SLC25A36: variants seen among roughly 807,000 people sequenced by gnomAD.
SLC25A36 encodes solute carrier family 25 member 36, also known as epididymis secretory sperm binding protein.
A neutral mutation model predicts 35.3 loss-of-function variants in SLC25A36; 24 were observed. The observed-to-expected ratio is 0.68, with a 90% CI of 0.49 to 0.96. The LOEUF (loss-of-function observed/expected upper bound fraction) is 0.96, where lower values mean the gene tolerates loss of function less well. SLC25A36 is among the 40% of genes least tolerant of loss of function. The pLI is 0.00. For synonymous variants in SLC25A36, 141 were observed against 132.2 expected, an observed-to-expected ratio of 1.07 and a Z score of -0.46; for missense variants, 294 against 381.1, an observed-to-expected ratio of 0.77 and a Z score of 1.90.
chr3:140,976,536 C>A lies in SLC25A36; in HGVS notation c.*83C>A. The A allele has an allele frequency of 1.7e-6, 2 of 1,203,300 alleles. No homozygotes were observed. Among genetic ancestry groups the A allele is most frequent in the Non-Finnish European group, 2.3e-6 (2 of 885,668 alleles). The allele number at this position is 1,203,300 out of a possible 1,614,324, so 74.5% of individuals were successfully genotyped here. On this transcript the variant is annotated 3_prime_UTR_variant, in exon 7 of 7. Transcript: ENST00000324194. ...GGGATACAGAAGCCAGCATGGCAGA[C>A]AGAAGAAAAATAGTTTGGGAACATG...
At chr3:140,968,355 T>G (rs947206263) in intron 4 of SLC25A36, 1 of 820,546 alleles carries the variant, frequency 1.2e-6, no homozygotes, top group South Asian at 5.6e-5. Context: ...AGTGTCTTTA[T>G]AAAGAGCTAG....
chr3:140,959,201 C>T (rs1408474009), intron 2 of SLC25A36, among the ~76,000 whole-genome samples: 1 of 151,610 alleles, frequency 6.6e-6, no homozygotes, highest in Non-Finnish European at 1.5e-5. Context: ...TTTTTATTAG[C>T]AACGAGGTTT....
chr3:140,966,524 T>C (rs1262585590), intron 4 of SLC25A36: 1 of 176,058 alleles, frequency 5.7e-6, no homozygotes, highest in Non-Finnish European at 1.2e-5. Flanking sequence ...GTTGGTTTTT[T>C]TTTTTTTAAG....
At chr3:140,971,997 TGAAAA>T (rs961349572) in intron 5 of SLC25A36, among the ~76,000 whole-genome samples, 5 of 152,210 alleles carry the variant, frequency 3.3e-5, no homozygotes, top group Admixed American at 2.6e-4. Context: ...TTTGGAAACT[TGAAAA>T]GAAATATCTA....
At chr3:140,947,136 A>G (rs951722317) in intron 1 of SLC25A36, among the ~76,000 whole-genome samples, 1 of 152,224 alleles carries the variant, frequency 6.6e-6, no homozygotes, top group Non-Finnish European at 1.5e-5. Context: ...TCAACTATCA[A>G]ATGTTACTGT....
chr3:140,971,674 A>G (rs952526609), intron 5 of SLC25A36, among the ~76,000 whole-genome samples: 2 of 152,122 alleles, frequency 1.3e-5, no homozygotes, highest in South Asian at 4.1e-4. Flanking sequence ...AACTGAGAGT[A>G]GGCCAAAAGC....
chr3:140,969,333 T>C (rs897197527), intron 4 of SLC25A36, among the ~76,000 whole-genome samples: 2 of 151,878 alleles, frequency 1.3e-5, no homozygotes, highest in African/African-American at 4.8e-5. Context: ...AAAAAGATGT[T>C]CCTGGCAGCC....
Position 140,952,056 on chromosome 3 carries a change from G to T in SLC25A36, c.42-4471G>T, listed in dbSNP as rs1438242491. On this transcript the variant is annotated intron_variant, in intron 1 of 6. Transcript: ENST00000324194. ...TTTGCGATGGAGTTTCACTCTTGTT[G>T]CCCAGGCTGGAGTGCAGTGGCACAA... is the stretch of plus-strand genomic sequence containing the variant. Among the ~76,000 whole-genome samples the T allele has an allele frequency of 2.1e-5, 3 of 139,918 alleles. No homozygotes were observed. The East Asian group carries it at 6.3e-4, about 29-fold the overall frequency. The allele number at this position is 139,918 out of a possible 152,430, so 91.8% of individuals were successfully genotyped here. A position where few individuals can be genotyped will look rare whatever the true frequency, so the allele number is the denominator to read the frequency against.
chr3:140,949,892 A>T (rs1043780646), intron 1 of SLC25A36, among the ~76,000 whole-genome samples: 1 of 152,238 alleles, frequency 6.6e-6, no homozygotes, highest in Non-Finnish European at 1.5e-5. Context: ...AAATTACATT[A>T]GCCACACCTT....
At chr3:140,963,890 C>T (rs1444097100) in intron 4 of SLC25A36, 3 of 151,898 alleles carry the variant, frequency 2.0e-5, no homozygotes, top group South Asian at 2.1e-4. Flanking sequence ...AGTTTTAGGT[C>T]TTTACCCTGC....
chr3:140,980,479 T>A lies in SLC25A36; in HGVS notation c.*4026T>A, dbSNP rs1935155673. On this transcript the variant is annotated 3_prime_UTR_variant, in exon 7 of 7. Coordinates refer to ENST00000324194, the MANE Select transcript of SLC25A36 (RefSeq NM_001104647.3). Reference sequence around the variant, plus strand: ...AACATTGACATAAATCTGAAATTGTTGGTTCTACTAATAGTACTCTGCACT... The same window carrying A: ...AACATTGACATAAATCTGAAATTGTAGGTTCTACTAATAGTACTCTGCACT... Among the ~76,000 whole-genome samples, 1 of 152,186 alleles carries A rather than the reference T, an allele frequency of 6.6e-6. No homozygotes were observed. Among genetic ancestry groups the A allele is most frequent in the Non-Finnish European group, 1.5e-5 (1 of 68,036 alleles).
chr3:140,950,732 C>G (rs1934295948), intron 1 of SLC25A36, among the ~76,000 whole-genome samples: 1 of 151,964 alleles, frequency 6.6e-6, no homozygotes, highest in African/African-American at 2.4e-5. Flanking sequence ...TTTTTTCTTT[C>G]TGGAAGTTGA....
In SLC25A36 at chr3:140,978,435, AC is replaced by A. The variant is rs1250892271; in HGVS notation, c.*1983del. ...CCATTTGCCTTGTGAAGACCCATAA[AC>A]ATTCATTGTGTTGAATGTAAGATAG... is the stretch of plus-strand genomic sequence containing the variant. On this transcript the variant is annotated 3_prime_UTR_variant, in exon 7 of 7. Coordinates refer to ENST00000324194, the MANE Select transcript of SLC25A36 (RefSeq NM_001104647.3). 6.6e-6 allele frequency: 1 copy of A among 152,128 alleles called. No individual in the cohort carries two copies. The highest frequency in any genetic ancestry group is 1.5e-5 in the Non-Finnish European group (1 of 68,038). 9.4% of individuals were successfully genotyped at this position (152,128 alleles called of 1,614,324 possible).
At chr3:140,969,957 T>C (rs1409109833) in intron 4 of SLC25A36, among the ~76,000 whole-genome samples, 1 of 151,992 alleles carries the variant, frequency 6.6e-6, no homozygotes. Flanking sequence ...TAACTTAACG[T>C]AAGTAGTTCT....
rs1351975390 is a variant in SLC25A36, at chr3:140,961,047, A to G, written c.284+1507A>G. Reference sequence around the variant, plus strand: ...TGATAGAACACTGTATAAAGTTCATATTTAGAGTGAAAATGCTTTCTGTAT... The same window carrying G: ...TGATAGAACACTGTATAAAGTTCATGTTTAGAGTGAAAATGCTTTCTGTAT... On this transcript the variant is annotated intron_variant, in intron 3 of 6. Transcript: ENST00000324194. Among the ~76,000 whole-genome samples the G allele has an allele frequency of 2.4e-4, 36 of 152,218 alleles. 1 individual carries two copies. Among genetic ancestry groups the G allele is most frequent in the Admixed American group, 2.4e-3 (36 of 15,280 alleles).
At chr3:140,942,294 C>CA (rs1934031227) in intron 1 of SLC25A36, among the ~76,000 whole-genome samples, 199 bp downstream of exon 1, 2 of 145,914 alleles carry the variant, frequency 1.4e-5, no homozygotes, top group Non-Finnish European at 3.0e-5. Flanking sequence ...TTCGGGGAAG[C>CA]AAGGGGGTGA....
chr3:140,950,993 G>A (rs183320257), intron 1 of SLC25A36, among the ~76,000 whole-genome samples: 2 of 152,114 alleles, frequency 1.3e-5, no homozygotes, highest in East Asian at 1.9e-4. Context: ...GACTGTGACA[G>A]CAGCCAGTCC....
chr3:140,947,790 A>G (rs900318058), intron 1 of SLC25A36, among the ~76,000 whole-genome samples: 2 of 152,210 alleles, frequency 1.3e-5, no homozygotes, highest in African/African-American at 2.4e-5. Context: ...TCTATCAGGT[A>G]TATAGATGTC....
intron 1 of SLC25A36, chr3:140,942,876 G>A (rs532874244): frequency 6.6e-6 from 1 of 152,296 alleles, no homozygotes; most frequent in South Asian, 2.1e-4. Context: ...AGTACCTTTG[G>A]GGTCAGATTC....
Sources: allele counts gnomAD v4.1 joint callset (sites outside exome capture counted in the v4.1 genomes callset), GRCh38; gene constraint gnomAD v4.1.1; transcripts MANE v1.5; gene names NCBI Gene and HGNC (gene_info 2026-07-23, HGNC 2026-07-21).